Variants in PPARGC1A observed in about 807,000 individuals in gnomAD.
The protein encoded by PPARGC1A is PPARG coactivator 1 alpha.
PPARGC1A carries 25 observed loss-of-function variants against 88.7 expected under a neutral mutation model. The ratio of observed to expected loss-of-function variants is 0.28; its 90% CI spans 0.21 to 0.39. The LOEUF is 0.39. PPARGC1A is among the 10% of genes least tolerant of loss of function. The pLI is 1.00. For missense variants in PPARGC1A, 880 were observed against 968.7 expected, an observed-to-expected ratio of 0.91 and a Z score of 1.22; for synonymous variants, 363 against 355.6, an observed-to-expected ratio of 1.02 and a Z score of -0.24.
the PPARGC1A span, among the ~76,000 whole-genome samples, chr4:24,323,125 C>A: frequency 6.6e-6 from 1 of 152,126 alleles, no homozygotes; most frequent in South Asian, 2.1e-4. Context: ...CCATGCCGGG[C>A]CTTAGAGAAA....
At chr4:24,180,528 C>T in the PPARGC1A span, among the ~76,000 whole-genome samples, 3 of 152,132 alleles carry the variant, frequency 2.0e-5, no homozygotes, top group East Asian at 1.9e-4. Context: ...ATAGAAAAGG[C>T]AAAGGGATCT....
chr4:24,028,046 T>C, the PPARGC1A span, among the ~76,000 whole-genome samples: 1 of 151,978 alleles, frequency 6.6e-6, no homozygotes, highest in Admixed American at 6.6e-5. Context: ...TTAAAGTAAC[T>C]TAGTCAAAGG....
At position 23,884,848 on chromosome 4, in the gene PPARGC1A, C is replaced by A; in HGVS notation, c.138G>T (p.Leu46Phe). Residue 46 changes from leucine to phenylalanine, a missense_variant, in exon 2 of 13, where the codon TTG (leucine) becomes TTT (phenylalanine). Physicochemically the swap from Leu to Phe is conservative, Grantham distance 22 (BLOSUM62 0). Coordinates refer to ENST00000264867, the MANE Select transcript of PPARGC1A (RefSeq NM_013261.5). ...GTCCACCCAGAAAGCTGTCTGTATC[C>A]AAGTCGTTCACATCTAGTTCAGAAA... is the stretch of plus-strand genomic sequence containing the variant. ...LDLSELDVND[L>F]DTDSFLGGLK... The A allele has an allele frequency of 6.2e-7, 1 of 1,613,758 alleles. No homozygotes were observed. The highest frequency in any genetic ancestry group is 8.5e-7 in the Non-Finnish European group (1 of 1,179,866).
the PPARGC1A span, among the ~76,000 whole-genome samples, chr4:24,301,222 T>C: frequency 6.6e-6 from 1 of 152,164 alleles, no homozygotes; most frequent in Non-Finnish European, 1.5e-5. Flanking sequence ...TCAATCTTCA[T>C]CGTAAAAAGA....
At chr4:24,431,087 T>C in the PPARGC1A span, among the ~76,000 whole-genome samples, 1 of 130,884 alleles carries the variant, frequency 7.6e-6, no homozygotes, top group Non-Finnish European at 1.5e-5. Context: ...ATCACACCGC[T>C]GCACTCCAGC....
the PPARGC1A span, among the ~76,000 whole-genome samples, chr4:24,340,805 C>A: frequency 2.0e-5 from 3 of 152,058 alleles, no homozygotes; most frequent in African/African-American, 4.8e-5. Context: ...GTGCTCCAAG[C>A]TATGATCTGC....
At chr4:23,998,866 C>A in the PPARGC1A span, among the ~76,000 whole-genome samples, 1 of 152,162 alleles carries the variant, frequency 6.6e-6, no homozygotes, top group Non-Finnish European at 1.5e-5. Flanking sequence ...ACGTTTTGAT[C>A]TCCCTTAGTT....
chr4:24,328,960 C>A, the PPARGC1A span, among the ~76,000 whole-genome samples: 1 of 152,212 alleles, frequency 6.6e-6, no homozygotes, highest in Non-Finnish European at 1.5e-5. Context: ...TTCCGTTGAA[C>A]CTTCCACAGT....
At chr4:24,116,139 T>C in the PPARGC1A span, among the ~76,000 whole-genome samples, 7 of 152,228 alleles carry the variant, frequency 4.6e-5, no homozygotes, top group African/African-American at 1.7e-4. Flanking sequence ...TGTTTGTGCT[T>C]GATTTTGACA....
chr4:24,401,269 C>T, the PPARGC1A span, among the ~76,000 whole-genome samples: 3 of 151,858 alleles, frequency 2.0e-5, no homozygotes, highest in Admixed American at 6.6e-5. Context: ...CTGCCTGCCT[C>T]AGCCTCCCAA....
At chr4:23,979,202 T>C in the PPARGC1A span, among the ~76,000 whole-genome samples, 1 of 152,216 alleles carries the variant, frequency 6.6e-6, no homozygotes, top group Admixed American at 6.5e-5. Flanking sequence ...ACTGTCATAT[T>C]CAGATCGGGA....
chr4:23,922,024 T>C, the PPARGC1A span, among the ~76,000 whole-genome samples: 1 of 152,202 alleles, frequency 6.6e-6, no homozygotes, highest in African/African-American at 2.4e-5. Flanking sequence ...GTTCATAAAA[T>C]ATTATGCATG....
chr4:24,385,714 G>A, the PPARGC1A span, among the ~76,000 whole-genome samples: 25,874 of 152,040 alleles, frequency 0.17, 2,369 homozygotes, highest in African/African-American at 0.18. Flanking sequence ...TCCCTGAATA[G>A]ACCAATAACA....
intron 3 of PPARGC1A, among the ~76,000 whole-genome samples, chr4:23,830,665 C>A (rs1205555628): frequency 6.6e-6 from 1 of 152,112 alleles, no homozygotes; most frequent in Non-Finnish European, 1.5e-5. Flanking sequence ...AAATGGCATG[C>A]CAAACACGAT....
At chr4:24,038,579 A>G in the PPARGC1A span, among the ~76,000 whole-genome samples, 2,080 of 152,292 alleles carry the variant, frequency 0.014, 37 homozygotes, top group South Asian at 0.083. Context: ...ATAACATTCT[A>G]TATCCAGACC....
At chr4:24,309,770 A>G in the PPARGC1A span, among the ~76,000 whole-genome samples, 2 of 152,100 alleles carry the variant, frequency 1.3e-5, no homozygotes, top group African/African-American at 4.8e-5. Flanking sequence ...TATATTTGAA[A>G]AACACCCTGG....
chr4:23,849,548 C>T (rs1167770477), intron 2 of PPARGC1A, among the ~76,000 whole-genome samples: 1 of 151,932 alleles, frequency 6.6e-6, no homozygotes, highest in Non-Finnish European at 1.5e-5. Context: ...CAAATATAAA[C>T]AGGGGATACA....
the PPARGC1A span, among the ~76,000 whole-genome samples, chr4:24,237,741 A>G: frequency 2.6e-5 from 4 of 152,190 alleles, no homozygotes; most frequent in African/African-American, 9.7e-5. Flanking sequence ...CATTATCCAT[A>G]AGACACTGCA....
At chr4:23,914,924 G>A in the PPARGC1A span, among the ~76,000 whole-genome samples, 6,320 of 152,218 alleles carry the variant, frequency 0.042, 417 homozygotes, top group African/African-American at 0.14. Flanking sequence ...TCAATTAACA[G>A]CAATTATATA....
Sources: gnomAD v4.1 joint callset for allele counts (sites outside exome capture counted in the v4.1 genomes callset) on GRCh38, gnomAD v4.1.1 for gene constraint, MANE v1.5 for transcripts, NCBI Gene and HGNC (gene_info 2026-07-23, HGNC 2026-07-21) for gene names.